Variants in ZBED1 observed in about 807,000 individuals in gnomAD.
ZBED1 encodes the protein E3 SUMO-protein ligase ZBED1.
In ZBED1, 19 loss-of-function variants were observed where a neutral mutation model predicts 49.7. The ratio of observed to expected loss-of-function variants is 0.38; its 90% CI spans 0.27 to 0.56. ZBED1 has a LOEUF of 0.56. ZBED1 is among the 20% of genes least tolerant of loss of function. The probability of loss-of-function intolerance (pLI) is 0.70; values close to 1 mark genes in which losing one functional copy is unlikely to be tolerated. For synonymous variants in ZBED1, 439 were observed against 440.3 expected (o/e 1.00, Z 0.04); for missense variants, 806 against 972.6 (o/e 0.83, Z 2.28).
Position 2,490,340 on chromosome X carries a change from G to T in ZBED1, c.380C>A (p.Thr127Lys). 6.2e-7 allele frequency: 1 copy of T among 1,613,222 alleles called. No homozygotes were observed. The highest frequency in any genetic ancestry group is 8.5e-7 in the Non-Finnish European group (1 of 1,179,782). Residue 127 changes from threonine to lysine, a missense_variant, in exon 2 of 2, where the codon ACG becomes AAG. By Grantham distance (78) the Thr-to-Lys change is moderately conservative (BLOSUM62 -1). Around this residue, in one of 2 missense-constraint regions of ZBED1, gnomAD observed 749 missense variants for 861.3 expected, o/e 0.87. Coordinates refer to ENST00000652001, the MANE Select transcript of ZBED1 (RefSeq NM_001171136.2). ...GYDSKKQQEL[T>K]AAVLGLICEG... ...GCAGATGAGGCCCAGCACGGCGGCCGTCAGCTCCTGCTGCTTCTTGCTGTC... is the reference window on the plus strand; with the variant it reads ...GCAGATGAGGCCCAGCACGGCGGCCTTCAGCTCCTGCTGCTTCTTGCTGTC...
In ZBED1 at chrX:2,490,443, CGGT is replaced by C; in HGVS notation, c.274_276del (p.Thr92del). 4 of 1,613,936 alleles carry C rather than the reference CGGT, an allele frequency of 2.5e-6. No individual in the cohort carries two copies. Among genetic ancestry groups the C allele is most frequent in the Non-Finnish European group, 3.4e-6 (4 of 1,179,866 alleles). ...GACTCGGGCTTCAGCTTGGAGAAGG[CGGT>C]GGCGAAGGCTTCACGCATCTGCTCC... On this transcript the variant is annotated inframe_deletion, in exon 2 of 2. Coordinates refer to ENST00000652001, the MANE Select transcript of ZBED1 (RefSeq NM_001171136.2).
Position 2,489,283 on chromosome X carries a change from G to T in ZBED1, c.1437C>A (p.Tyr479Ter), listed in dbSNP as rs1209678818. The T allele has an allele frequency of 1.2e-6, 2 of 1,613,968 alleles. No homozygotes were observed. The change falls in exon 2 of 2, where the codon TAC (tyrosine) becomes TAA (stop). Residue 479 changes from tyrosine to a stop codon, truncating the protein, a stop_gained. Transcript: ENST00000652001. LOFTEE classifies it high-confidence loss of function. ...LNVATFLDPR[Y>*]KRLPFLSAFE... is the part of the protein sequence containing the mutation. ...AGGCGGAGAGGAAGGGCAGCCTCTT[G>T]TAGCGGGGGTCCAGGAAGGTGGCCA... is the stretch of plus-strand genomic sequence containing the variant.
rs2045108542 is a variant in ZBED1, at chrX:2,490,522, G to A, written c.198C>T (p.His66=). Residue 66 remains histidine (H), a synonymous_variant, in exon 2 of 2, where the codon CAC becomes CAT. Transcript: ENST00000652001. ...YSGNTSNLSY[H]LEKNHPEEFC... is the part of the protein sequence containing the mutation. ...ATTCCTCGGGGTGGTTCTTCTCCAG[G>A]TGGTAGGACAGGTTGGAGGTGTTTC... The A allele has an allele frequency of 1.9e-6, 3 of 1,613,990 alleles. No homozygotes were observed. In the East Asian group the frequency reaches 6.7e-5, roughly 36 times the overall value.
intron 1 of ZBED1, among the ~76,000 whole-genome samples, chrX:2,497,273 A>G (rs1045536781): frequency 1.3e-5 from 2 of 152,118 alleles, no homozygotes; most frequent in Admixed American, 1.3e-4. Context: ...CATGCCTGTA[A>G]TCCCAGCTAC....
chrX:2,490,965 C>T (rs948674031), intron 1 of ZBED1, among the ~76,000 whole-genome samples, 193 bp from the exon 2 acceptor site: 2 of 152,078 alleles, frequency 1.3e-5, no homozygotes, highest in African/African-American at 4.8e-5. Context: ...TACGCTCTTT[C>T]TTCCACGTTA....
rs776197282 is a variant in ZBED1, at chrX:2,490,049, T to C, written c.671A>G (p.Asn224Ser). Residue 224 changes from asparagine (N) to serine (S), a missense_variant, in exon 2 of 2, where the codon AAC becomes AGC. Transcript: ENST00000652001. ...GCAGCGGGAGCCCATGGACAGGCAG[T>C]TGGGGGCGCCCAGGCCCAGGAAGTG... is the stretch of plus-strand genomic sequence containing the variant. ...AAHFLGLGAPNCLSMGSRCLK... is the reference protein window; with the variant it reads ...AAHFLGLGAPSCLSMGSRCLK... 5.0e-6 allele frequency: 8 copies of C among 1,613,580 alleles called. No individual in the cohort carries two copies. In the East Asian group the frequency reaches 1.3e-4, roughly 27 times the overall value.
At chrX:2,498,625 GAAAAAA>G (rs10624636) in intron 1 of ZBED1, among the ~76,000 whole-genome samples, 1 of 128,778 alleles carries the variant, frequency 7.8e-6, no homozygotes, top group Non-Finnish European at 1.6e-5. Context: ...CAGTAAATGG[GAAAAAA>G]AAAAAAAAAA....
intron 1 of ZBED1, among the ~76,000 whole-genome samples, chrX:2,500,031 T>A (rs1003380341): frequency 3.3e-5 from 5 of 152,122 alleles, no homozygotes; most frequent in East Asian, 1.9e-4. Context: ...TTACAAAAAA[T>A]AATAATAATA....
At position 2,500,884 on chromosome X, in the gene ZBED1, G is replaced by A. The variant is rs990767212; in HGVS notation, c.-121C>T. ...CCAGGATCACCGCGGCGCCTACCGC[G>A]TAGACCCGCAGGGCCGCCCGCGCCG... On this transcript the variant is annotated 5_prime_UTR_variant, in exon 1 of 2. In the 5' UTR this introduces an upstream ATG that the reference lacks. Transcript: ENST00000652001. 12 of 1,150,382 alleles carry A rather than the reference G, an allele frequency of 1.0e-5. No individual in the cohort carries two copies. In the African/African-American group the frequency reaches 1.3e-4, roughly 13 times the overall value. 71.3% of individuals were successfully genotyped at this position (1,150,382 alleles called of 1,614,324 possible).
intron 1 of ZBED1, among the ~76,000 whole-genome samples, chrX:2,497,805 G>A (rs1421934779): frequency 1.3e-5 from 2 of 152,132 alleles, no homozygotes; most frequent in Non-Finnish European, 2.9e-5. Flanking sequence ...TATTAATACC[G>A]GTGGGTAGAG....
intron 1 of ZBED1, 94 bp downstream of exon 1, chrX:2,500,723 C>G: frequency 2.0e-6 from 1 of 494,386 alleles, no homozygotes; most frequent in Non-Finnish European, 2.7e-6. Flanking sequence ...CACCGCCTCG[C>G]CAAGGTCACG....
At chrX:2,499,404 T>C (rs1030059613) in intron 1 of ZBED1, among the ~76,000 whole-genome samples, 3 of 152,176 alleles carry the variant, frequency 2.0e-5, no homozygotes, top group Non-Finnish European at 2.9e-5. Context: ...AAAGTATCAT[T>C]TAACCTAACA....
intron 1 of ZBED1, among the ~76,000 whole-genome samples, chrX:2,499,236 A>G (rs1229479055): frequency 6.6e-6 from 1 of 152,146 alleles, no homozygotes; most frequent in Non-Finnish European, 1.5e-5. Flanking sequence ...AGTGTCTTCC[A>G]GAGGCCTCCT....
intron 1 of ZBED1, among the ~76,000 whole-genome samples, chrX:2,497,265 T>C (rs1321619612): frequency 7.9e-5 from 12 of 152,086 alleles, no homozygotes; most frequent in Non-Finnish European, 1.0e-4. Context: ...TGGTGGCACA[T>C]GCCTGTAATC....
rs761231056 is a variant in ZBED1 at position 2,490,121 on chromosome X, A to G, written c.599T>C (p.Met200Thr). Residue 200 changes from methionine to threonine, a missense_variant, in exon 2 of 2, where the codon ATG becomes ACG. By Grantham distance (81) the Met-to-Thr change is moderately conservative. Around this residue, in one of 2 missense-constraint regions of ZBED1, gnomAD observed 749 missense variants for 861.3 expected, o/e 0.87. Transcript: ENST00000652001. ...GCGGTTCTGATTCTCACTCCTCCAC[A>G]TGTCGGTGGAGATGCCACACCAGGT... Reference protein sequence around the residue: ...EATWCGISTDMWRSENQNRAY... With the variant: ...EATWCGISTDTWRSENQNRAY... 18 of 1,613,622 alleles carry G rather than the reference A, an allele frequency of 1.1e-5. No individual in the cohort carries two copies. The highest frequency in any genetic ancestry group is 1.4e-5 in the Non-Finnish European group (16 of 1,179,814).
Position 2,489,970 on chromosome X carries a change from C to T in ZBED1, c.750G>A (p.Val250=). Residue 250 remains valine, a synonymous_variant, in exon 2 of 2, where the codon GTG becomes GTA. Coordinates refer to ENST00000652001, the MANE Select transcript of ZBED1 (RefSeq NM_001171136.2). ...EENTAETITR[V]LYEVFIEWGI... ...CCCACTCGATGAAGACCTCATAGAG[C>T]ACTCGCGTGATGGTCTCCGCCGTGT... 1 of 1,613,914 alleles carries T rather than the reference C, an allele frequency of 6.2e-7. No individual in the cohort carries two copies.
At chrX:2,494,464 C>T (rs1462861089) in intron 1 of ZBED1, among the ~76,000 whole-genome samples, 1 of 151,506 alleles carries the variant, frequency 6.6e-6, no homozygotes, top group Non-Finnish European at 1.5e-5. Context: ...TATTTTATTA[C>T]TATTTGGCTG....
chrX:2,493,690 C>T (rs1163203437), intron 1 of ZBED1, among the ~76,000 whole-genome samples: 3 of 152,036 alleles, frequency 2.0e-5, no homozygotes, highest in African/African-American at 4.8e-5. Flanking sequence ...TATGCTGGCA[C>T]CAGGCACAGC....
intron 1 of ZBED1, chrX:2,500,295 GC>G: frequency 5.4e-6 from 1 of 184,392 alleles, no homozygotes; most frequent in Admixed American, 5.0e-5. Flanking sequence ...CCGGAGAAGG[GC>G]CCATCCTCAC....
Sources: allele counts gnomAD v4.1 joint callset (sites outside exome capture counted in the v4.1 genomes callset), GRCh38; gene constraint gnomAD v4.1.1; regional missense constraint gnomAD v4.1.1; transcripts MANE v1.5; gene names NCBI Gene and HGNC (gene_info 2026-07-23, HGNC 2026-07-21).